CACNB2: variants seen among roughly 807,000 people sequenced by gnomAD.
CACNB2 encodes the protein calcium voltage-gated channel auxiliary subunit beta 2.
CACNB2 carries 42 observed loss-of-function variants against 73.3 expected under a neutral mutation model. The observed-to-expected ratio is 0.57, with a 90% CI of 0.45 to 0.74. The LOEUF is 0.74. Among genes scored for constraint, CACNB2 ranks in the 30% least tolerant of loss-of-function variants. The pLI is 0.00. For synonymous variants in CACNB2, 348 were observed against 310.3 expected (o/e 1.12, Z -1.28); for missense variants, 940 against 853.0 (o/e 1.10, Z -1.27).
At chr10:18,445,189 T>G (rs1396960649) in intron 3 of CACNB2, among the ~76,000 whole-genome samples, 3 of 152,160 alleles carry the variant, frequency 2.0e-5, no homozygotes, top group Non-Finnish European at 2.9e-5. Context: ...TTAAAGTTGT[T>G]TGGGGGAATT....
At chr10:18,476,677 A>G (rs2048456919) in intron 3 of CACNB2, among the ~76,000 whole-genome samples, 6 of 152,140 alleles carry the variant, frequency 3.9e-5, no homozygotes, top group Admixed American at 1.3e-4. Context: ...TTGGCCCCAG[A>G]CCAGCCTGAA....
chr10:18,185,023 G>A (rs2034085071), intron 2 of CACNB2, among the ~76,000 whole-genome samples: 1 of 151,950 alleles, frequency 6.6e-6, no homozygotes, highest in Non-Finnish European at 1.5e-5. Flanking sequence ...ATTTTTTGTA[G>A]CAACAGAATC....
intron 2 of CACNB2, among the ~76,000 whole-genome samples, chr10:18,158,683 G>GAA (rs111584394): frequency 6.6e-6 from 1 of 150,578 alleles, no homozygotes; most frequent in African/African-American, 2.4e-5. Context: ...CAAAAGAAAG[G>GAA]AAAAAAAAAT....
chr10:18,187,410 T>A (rs2131248570), intron 2 of CACNB2, among the ~76,000 whole-genome samples: 1 of 152,292 alleles, frequency 6.6e-6, no homozygotes, highest in Middle Eastern at 3.4e-3. Flanking sequence ...TTTGCTAAGA[T>A]AAGCTAAAAT....
At chr10:18,521,867 A>G (rs549032384) in intron 9 of CACNB2, among the ~76,000 whole-genome samples, 2 of 152,116 alleles carry the variant, frequency 1.3e-5, no homozygotes, top group Non-Finnish European at 2.9e-5. Context: ...TCCCATCCTA[A>G]CAATGCAACT....
chr10:18,500,377 C>G (rs1484945811), intron 4 of CACNB2, among the ~76,000 whole-genome samples: 1 of 152,156 alleles, frequency 6.6e-6, no homozygotes. Context: ...GGTAAATTGT[C>G]CTGTGACATG....
chr10:18,487,001 C>T (rs1589508995), intron 3 of CACNB2, among the ~76,000 whole-genome samples: 2 of 152,302 alleles, frequency 1.3e-5, no homozygotes, highest in East Asian at 3.9e-4. Context: ...AGTGCGTCAT[C>T]TGGTTTCATG....
chr10:18,371,542 T>G (rs7082391), intron 2 of CACNB2, among the ~76,000 whole-genome samples: 67,011 of 151,948 alleles, frequency 0.44, 15,650 homozygotes, highest in East Asian at 0.91. Flanking sequence ...ATGAACTTTT[T>G]TATGGCTGCA....
intron 2 of CACNB2, among the ~76,000 whole-genome samples, chr10:18,215,874 G>A (rs1425875154): frequency 2.0e-5 from 3 of 152,174 alleles, no homozygotes; most frequent in Non-Finnish European, 2.9e-5. Flanking sequence ...TGCCAAGTCA[G>A]TGCTTTCATT....
intron 2 of CACNB2, among the ~76,000 whole-genome samples, chr10:18,229,118 A>G (rs558745626): frequency 1.0e-3 from 155 of 152,310 alleles, no homozygotes; most frequent in Admixed American, 1.9e-3. Flanking sequence ...AACTATCTGA[A>G]CTGTGTTTCT....
At chr10:18,411,046 T>C (rs1310181225) in intron 3 of CACNB2, among the ~76,000 whole-genome samples, 5 of 152,172 alleles carry the variant, frequency 3.3e-5, no homozygotes, top group African/African-American at 1.2e-4. Context: ...GCACAAAATA[T>C]GTCACACATT....
At chr10:18,329,887 G>C (rs926980621) in intron 2 of CACNB2, among the ~76,000 whole-genome samples, 8 of 152,036 alleles carry the variant, frequency 5.3e-5, no homozygotes, top group Non-Finnish European at 7.4e-5. Context: ...TCCCAGGCTG[G>C]AGTGCAGTGG....
intron 2 of CACNB2, among the ~76,000 whole-genome samples, chr10:18,178,684 A>G (rs866726855): frequency 6.6e-6 from 1 of 152,184 alleles, no homozygotes; most frequent in African/African-American, 2.4e-5. Flanking sequence ...TGCCTCTTAG[A>G]TGGAAGGTTG....
In CACNB2 at chr10:18,294,648, G is replaced by A. The variant is rs140460554; in HGVS notation, c.214-107276G>A. Among the ~76,000 whole-genome samples, 426 of 152,328 alleles carry A rather than the reference G, an allele frequency of 2.8e-3. 2 individuals carry two copies. The highest frequency in any genetic ancestry group is 9.6e-3 in the African/African-American group (401 of 41,580). The stretch of plus-strand genomic sequence containing the variant: ...CCTATTTGAGCAGAGACTTGAAGAA[G>A]GTAACAGAGTCAGCCACGGGGAAAT... On this transcript the variant is annotated intron_variant, in intron 2 of 13. Transcript: ENST00000324631.
At chr10:18,375,449 A>G (rs1489372578) in intron 2 of CACNB2, among the ~76,000 whole-genome samples, 1 of 152,190 alleles carries the variant, frequency 6.6e-6, no homozygotes, top group Non-Finnish European at 1.5e-5. Flanking sequence ...TTTCAGACCT[A>G]TGCATTGGGA....
At position 18,542,450 on chromosome 10, in the gene CACNB2, C is replaced by T. The variant is rs948797070; in HGVS notation, c.*2726C>T. The T allele has an allele frequency of 3.9e-5, 6 of 152,180 alleles. No homozygotes were observed. Among genetic ancestry groups the T allele is most frequent in the Non-Finnish European group, 8.8e-5 (6 of 68,022 alleles). 9.4% of individuals were successfully genotyped at this position (152,180 alleles called of 1,614,324 possible). A position where few individuals can be genotyped will look rare whatever the true frequency, so the allele number is the denominator to read the frequency against. ...TTATTAGTTCAATCCTTTATTATTT[C>T]ATCCCAATTAATGATTTTAGAATAT... On this transcript the variant is annotated 3_prime_UTR_variant, in exon 14 of 14. Coordinates refer to ENST00000324631, the MANE Select transcript of CACNB2 (RefSeq NM_201596.3).
chr10:18,176,446 G>A (rs1371646294), intron 2 of CACNB2, among the ~76,000 whole-genome samples: 1 of 152,046 alleles, frequency 6.6e-6, no homozygotes, highest in Non-Finnish European at 1.5e-5. Context: ...TCTTACTAGG[G>A]AATCACAAAA....
At chr10:18,373,666 TTC>T in intron 2 of CACNB2, among the ~76,000 whole-genome samples, 1 of 152,354 alleles carries the variant, frequency 6.6e-6, no homozygotes, top group Non-Finnish European at 1.5e-5. Context: ...TTCTCATTTG[TTC>T]TCTCAAGCCT....
chr10:18,510,185 A>G (rs1325348112), intron 6 of CACNB2, among the ~76,000 whole-genome samples: 3 of 152,222 alleles, frequency 2.0e-5, no homozygotes, highest in African/African-American at 7.2e-5. Flanking sequence ...AAAGTTCTCA[A>G]TTTGGGATAT....
Sources: allele counts gnomAD v4.1 joint callset (sites outside exome capture counted in the v4.1 genomes callset), GRCh38; gene constraint gnomAD v4.1.1; transcripts MANE v1.5; gene names NCBI Gene and HGNC (gene_info 2026-07-23, HGNC 2026-07-21).